The following CPLANE1 variants were observed in gnomAD, a reference collection of about 807,000 sequenced individuals.
CPLANE1 encodes the protein ciliogenesis and planar polarity effector complex subunit 1, also known as ciliogenesis and planar polarity effector 1.
A neutral mutation model predicts 362.5 loss-of-function variants in CPLANE1; 263 were observed. The ratio of observed to expected loss-of-function variants is 0.73; its 90% CI spans 0.66 to 0.80. CPLANE1 has a LOEUF of 0.80. Among genes scored for constraint, CPLANE1 ranks in the 30% least tolerant of loss-of-function variants. CPLANE1 has a pLI of 0.00. For synonymous variants in CPLANE1, 1,212 were observed against 1,302.6 expected (o/e 0.93, Z 1.50); for missense variants, 3,461 against 3,793.4 (o/e 0.91, Z 2.30).
intron 30 of CPLANE1, 129 bp downstream of exon 30, chr5:37,177,492 C>A: frequency 1.5e-6 from 1 of 680,346 alleles, no homozygotes; most frequent in Non-Finnish European, 2.6e-6. Context: ...TAACTATAAA[C>A]TGAAGTTACA....
chr5:37,235,642 G>A lies in CPLANE1; in HGVS notation c.938+3215C>T, dbSNP rs578133589. Among the ~76,000 whole-genome samples, 50 of 134,208 alleles carry A rather than the reference G, an allele frequency of 3.7e-4. 1 individual carries two copies. In the South Asian group the frequency reaches 0.011, roughly 29 times the overall value. 88.0% of individuals were successfully genotyped at this position (134,208 alleles called of 152,430 possible). On this transcript the variant is annotated intron_variant, in intron 8 of 52. Transcript: ENST00000651892. The stretch of plus-strand genomic sequence containing the variant: ...GGCTGGAGAGCAGTGGTACAATTTC[G>A]ACTCACTGCAACCTCTGCCTCCCAG...
intron 42 of CPLANE1, 37 bp from the exon 43 acceptor site, chr5:37,148,305 A>G (rs759503519): frequency 7.3e-7 from 1 of 1,379,156 alleles, no homozygotes; most frequent in South Asian, 1.3e-5. Context: ...CAACAGTAAT[A>G]CTTTGATAAT....
At chr5:37,117,271 T>C (rs949915106) in intron 50 of CPLANE1, among the ~76,000 whole-genome samples, 1 of 151,234 alleles carries the variant, frequency 6.6e-6, no homozygotes, top group East Asian at 1.9e-4. Flanking sequence ...AATAGGAAGA[T>C]GAGCAAGGGA....
At chr5:37,220,533 T>A (rs1795139246) in intron 15 of CPLANE1, among the ~76,000 whole-genome samples, 1 of 152,154 alleles carries the variant, frequency 6.6e-6, no homozygotes, top group African/African-American at 2.4e-5. Flanking sequence ...AGATTTTTTT[T>A]TTTTTAATTT....
chr5:37,245,937 T>C, intron 2 of CPLANE1, 92 bp from the exon 3 acceptor site: 2 of 1,227,598 alleles, frequency 1.6e-6, no homozygotes, highest in Non-Finnish European at 2.2e-6. Context: ...CAAAGCGACA[T>C]TTAAGAAAGA....
intron 51 of CPLANE1, among the ~76,000 whole-genome samples, chr5:37,111,893 T>TAA (rs3065142): frequency 0.033 from 4,834 of 147,230 alleles, 269 homozygotes; most frequent in African/African-American, 0.11. Flanking sequence ...AACACTGTGT[T>TAA]AAAAAAAAAA....
At chr5:37,167,907 T>G (rs752246633) in intron 34 of CPLANE1, among the ~76,000 whole-genome samples, 32 of 152,178 alleles carry the variant, frequency 2.1e-4, no homozygotes, top group Admixed American at 3.3e-4. Context: ...ACCAGCAATA[T>G]GCTGAAAATC....
At chr5:37,245,031 A>G (rs1301966621) in intron 4 of CPLANE1, among the ~76,000 whole-genome samples, 1 of 151,990 alleles carries the variant, frequency 6.6e-6, no homozygotes, top group Non-Finnish European at 1.5e-5. Context: ...TGGCGCCTGT[A>G]GTCCCAGCTA....
intron 33 of CPLANE1, among the ~76,000 whole-genome samples, chr5:37,169,792 T>C (rs527728449): frequency 6.6e-6 from 1 of 152,182 alleles, no homozygotes; most frequent in East Asian, 1.9e-4. Context: ...AGTGACATGA[T>C]CTCGGCTCAC....
At chr5:37,218,511 T>C (rs779600041) in intron 15 of CPLANE1, among the ~76,000 whole-genome samples, 1 of 152,200 alleles carries the variant, frequency 6.6e-6, no homozygotes, top group Non-Finnish European at 1.5e-5. Context: ...TTTCTTTCAC[T>C]GTAATAAATC....
At chr5:37,226,015 T>C (rs1467613279) in intron 12 of CPLANE1, among the ~76,000 whole-genome samples, 1 of 152,138 alleles carries the variant, frequency 6.6e-6, no homozygotes, top group African/African-American at 2.4e-5. Flanking sequence ...TATACATTTA[T>C]CACGTATAAC....
chr5:37,098,958 A>G, the CPLANE1 span, among the ~76,000 whole-genome samples: 1 of 151,750 alleles, frequency 6.6e-6, no homozygotes, highest in African/African-American at 2.4e-5. Flanking sequence ...AAAGACTTCA[A>G]ATAAACAACC....
Position 37,183,627 on chromosome 5 carries a change from T to C in CPLANE1, c.4554A>G (p.Lys1518=). 1.9e-6 allele frequency: 3 copies of C among 1,612,516 alleles called. No homozygotes were observed. Among genetic ancestry groups the C allele is most frequent in the Non-Finnish European group, 2.5e-6 (3 of 1,179,466 alleles). The part of the protein sequence containing the change: ...PTDKRKMCNQ[K]ENPTKKEDHE... The stretch of plus-strand genomic sequence containing the variant: ...GATCTTCTTTCTTTGTAGGATTTTC[T>C]TTCTGATTACACATTTTCCTTTTAT... Residue 1518 remains lysine (K), a synonymous_variant, in exon 26 of 53, where the codon AAA becomes AAG. Coordinates refer to ENST00000651892, the MANE Select transcript of CPLANE1 (RefSeq NM_001384732.1).
At chr5:37,202,935 A>G (rs535851072) in intron 18 of CPLANE1, among the ~76,000 whole-genome samples, 316 of 150,244 alleles carry the variant, frequency 2.1e-3, no homozygotes, top group African/African-American at 7.0e-3. Flanking sequence ...CTTTCTTTAT[A>G]TATTTTATAT....
chr5:37,153,967 T>C lies in CPLANE1; in HGVS notation c.8146A>G (p.Lys2716Glu). Residue 2716 changes from lysine (K) to glutamate (E), a missense_variant, in exon 42 of 53, where the codon AAA becomes GAA. By Grantham distance (56) the Lys-to-Glu change is moderately conservative. Coordinates refer to ENST00000651892, the MANE Select transcript of CPLANE1 (RefSeq NM_001384732.1). ...GAGTCTGACTTTGTGCTCTGTCCTTTGAATCGGAACTCTGGTTTTGGCAGA... is the reference window on the plus strand; with the variant it reads ...GAGTCTGACTTTGTGCTCTGTCCTTCGAATCGGAACTCTGGTTTTGGCAGA... ...KGLPKPEFRF[K>E]GQSTKSDSAE... The C allele has an allele frequency of 6.2e-7, 1 of 1,612,258 alleles. No homozygotes were observed. Among genetic ancestry groups the C allele is most frequent in the Non-Finnish European group, 8.5e-7 (1 of 1,178,736 alleles).
intron 41 of CPLANE1, among the ~76,000 whole-genome samples, chr5:37,154,456 G>GTTTTT (rs1457651303): frequency 1.2e-5 from 1 of 83,128 alleles, no homozygotes; most frequent in Non-Finnish European, 2.1e-5. Flanking sequence ...ATTTGCAATA[G>GTTTTT]TTCTTTTTTT....
At chr5:37,198,297 G>A (rs1392246701) in intron 20 of CPLANE1, among the ~76,000 whole-genome samples, 1 of 152,152 alleles carries the variant, frequency 6.6e-6, no homozygotes, top group Non-Finnish European at 1.5e-5. Flanking sequence ...GAGGCTACCG[G>A]ATGGAAACAG....
chr5:37,180,990 C>G lies in CPLANE1; in HGVS notation c.5437G>C (p.Asp1813His). 6.2e-7 allele frequency: 1 copy of G among 1,613,826 alleles called. No homozygotes were observed. Among genetic ancestry groups the G allele is most frequent in the Non-Finnish European group, 8.5e-7 (1 of 1,179,924 alleles). ...NAIIKMVENR[D>H]TGCQIGPNIE... Reference sequence around the variant, plus strand: ...TTGGGTCCAATCTGACACCCAGTGTCACGATTCTCTACCATCTAAAGCAAA... The same window carrying G: ...TTGGGTCCAATCTGACACCCAGTGTGACGATTCTCTACCATCTAAAGCAAA... The change falls in exon 27 of 53, where the codon GAC becomes CAC. Residue 1813 changes from aspartate to histidine, a missense_variant. This residue lies in a region of CPLANE1 where 3,380 missense variants were observed against 3,666.1 expected (regional missense o/e 0.92). Transcript: ENST00000651892.
intron 46 of CPLANE1, among the ~76,000 whole-genome samples, chr5:37,135,520 A>T (rs549280271): frequency 2.6e-5 from 4 of 152,276 alleles, no homozygotes; most frequent in African/African-American, 9.6e-5. Context: ...AGTGCCCAGC[A>T]AAAGGGGAAG....
Sources: allele counts gnomAD v4.1 joint callset (sites outside exome capture counted in the v4.1 genomes callset), GRCh38; gene constraint gnomAD v4.1.1; regional missense constraint gnomAD v4.1.1; transcripts MANE v1.5; gene names NCBI Gene and HGNC (gene_info 2026-07-23, HGNC 2026-07-21).